Variants in MAPKAP1 observed in about 807,000 individuals in gnomAD.
MAPKAP1 encodes the protein target of rapamycin complex 2 subunit MAPKAP1.
MAPKAP1 carries 20 observed loss-of-function variants against 65.7 expected under a neutral mutation model. The observed-to-expected ratio is 0.30, with a 90% CI of 0.21 to 0.44. MAPKAP1 has a LOEUF of 0.44. MAPKAP1 is among the 20% of genes least tolerant of loss of function. MAPKAP1 has a pLI of 1.00. For missense variants in MAPKAP1, 423 were observed against 648.0 expected, an observed-to-expected ratio of 0.65 and a Z score of 3.77; for synonymous variants, 222 against 244.3, an observed-to-expected ratio of 0.91 and a Z score of 0.85.
At chr9:125,683,960 G>A (rs1834898575) in intron 1 of MAPKAP1, among the ~76,000 whole-genome samples, 1 of 152,086 alleles carries the variant, frequency 6.6e-6, no homozygotes, top group Non-Finnish European at 1.5e-5. Flanking sequence ...TATTTCAGGT[G>A]TACCCTTCTC....
At chr9:125,467,888 C>T in intron 10 of MAPKAP1, 84 bp downstream of exon 10, 1 of 1,418,526 alleles carries the variant, frequency 7.0e-7, no homozygotes, top group Non-Finnish European at 9.7e-7. Flanking sequence ...GACACAGTGG[C>T]AATATATTCT....
At chr9:125,541,030 G>A (rs1830230544) in intron 7 of MAPKAP1, among the ~76,000 whole-genome samples, 1 of 152,120 alleles carries the variant, frequency 6.6e-6, no homozygotes, top group South Asian at 2.1e-4. Context: ...TTGTTAAAAA[G>A]CTTTTTGGAT....
intron 4 of MAPKAP1, among the ~76,000 whole-genome samples, chr9:125,630,573 C>T (rs1589363365): frequency 6.6e-6 from 1 of 152,180 alleles, no homozygotes; most frequent in African/African-American, 2.4e-5. Context: ...TGGCCCAAAG[C>T]AGTGCAGCAG....
chr9:125,672,597 T>C lies in MAPKAP1; in HGVS notation c.-23A>G, dbSNP rs1482281172. ...CATCCTTTCTGTGGGCCAATTTCCT[T>C]AAAAGGCTATTTTCTCCTCTTCATA... On this transcript the variant is annotated 5_prime_UTR_variant, in exon 2 of 12. Coordinates refer to ENST00000265960, the MANE Select transcript of MAPKAP1 (RefSeq NM_001006617.3). 1 of 1,611,376 alleles carries C rather than the reference T, an allele frequency of 6.2e-7. No individual in the cohort carries two copies. Among genetic ancestry groups the C allele is most frequent in the South Asian group, 1.1e-5 (1 of 90,862 alleles).
chr9:125,530,654 G>T (rs1189019618), intron 7 of MAPKAP1, among the ~76,000 whole-genome samples: 3 of 152,304 alleles, frequency 2.0e-5, no homozygotes, highest in East Asian at 3.9e-4. Context: ...CATTTGAGTT[G>T]ACTCTCTGGG....
intron 7 of MAPKAP1, among the ~76,000 whole-genome samples, chr9:125,529,616 GA>G (rs1432947661): frequency 6.6e-6 from 1 of 152,182 alleles, no homozygotes; most frequent in East Asian, 1.9e-4. Flanking sequence ...GAAGATTGAG[GA>G]GTTCCAATAG....
At chr9:125,677,314 G>C (rs1834675874) in intron 1 of MAPKAP1, among the ~76,000 whole-genome samples, 2 of 152,044 alleles carry the variant, frequency 1.3e-5, no homozygotes, top group African/African-American at 4.8e-5. Context: ...GGCTAAGGTG[G>C]AAGAATTGCT....
At chr9:125,693,399 A>G (rs1835226615) in intron 1 of MAPKAP1, among the ~76,000 whole-genome samples, 1 of 141,336 alleles carries the variant, frequency 7.1e-6, no homozygotes, top group Admixed American at 7.1e-5. Context: ...AAGTAACAAG[A>G]GCGAAATTCC....
chr9:125,673,037 G>A (rs1834539441), intron 1 of MAPKAP1, among the ~76,000 whole-genome samples: 1 of 152,072 alleles, frequency 6.6e-6, no homozygotes, highest in Non-Finnish European at 1.5e-5. Context: ...CTCAAATGAT[G>A]TGCTAAAGTA....
rs370111865 is a variant in MAPKAP1 at position 125,693,424 on chromosome 9, A to AT, written c.-70+13546_-70+13547insA. Among the ~76,000 whole-genome samples the AT allele has an allele frequency of 7.7e-3, 1,053 of 136,460 alleles. 7 individuals carry two copies. The highest frequency in any genetic ancestry group is 0.019 in the East Asian group (93 of 5,010). The allele number at this position is 136,460 out of a possible 152,430, so 89.5% of individuals were successfully genotyped here. A position where few individuals can be genotyped will look rare whatever the true frequency, so the allele number is the denominator to read the frequency against. ...AGCGAAATTCCGCCTCAAAAAAAAA[A>AT]AAATATATATATATATATACACACA... is the stretch of plus-strand genomic sequence containing the variant. On this transcript the variant is annotated intron_variant, in intron 1 of 11. Transcript: ENST00000265960.
chr9:125,610,172 G>T (rs1832557572), intron 4 of MAPKAP1, among the ~76,000 whole-genome samples: 1 of 151,804 alleles, frequency 6.6e-6, no homozygotes, highest in African/African-American at 2.4e-5. Context: ...CATGATATGT[G>T]TAAACACAAA....
chr9:125,552,789 G>C (rs1290632679), intron 6 of MAPKAP1, among the ~76,000 whole-genome samples: 1 of 152,144 alleles, frequency 6.6e-6, no homozygotes, highest in African/African-American at 2.4e-5. Flanking sequence ...TTAAAAACCT[G>C]TTTTCTAACG....
At chr9:125,602,006 C>CA (rs1832312276) in intron 4 of MAPKAP1, among the ~76,000 whole-genome samples, 1 of 152,176 alleles carries the variant, frequency 6.6e-6, no homozygotes, top group Non-Finnish European at 1.5e-5. Context: ...GTAATCCCAG[C>CA]ACTCTGGGAA....
chr9:125,631,768 T>C (rs549137442), intron 4 of MAPKAP1, among the ~76,000 whole-genome samples: 20 of 152,254 alleles, frequency 1.3e-4, no homozygotes, highest in African/African-American at 4.8e-4. Context: ...TTTACCAGCA[T>C]CTCTCACCTC....
chr9:125,612,511 C>T (rs888926656), intron 4 of MAPKAP1, among the ~76,000 whole-genome samples: 1 of 152,082 alleles, frequency 6.6e-6, no homozygotes, highest in African/African-American at 2.4e-5. Context: ...TGTTGTAGAA[C>T]CACAATAAAC....
chr9:125,583,106 T>A (rs2131574400), intron 5 of MAPKAP1, among the ~76,000 whole-genome samples: 1 of 152,366 alleles, frequency 6.6e-6, no homozygotes, highest in Admixed American at 6.5e-5. Flanking sequence ...ATCTTGTTAT[T>A]AAAGTACAAA....
chr9:125,509,703 T>A (rs1008419756), intron 7 of MAPKAP1, among the ~76,000 whole-genome samples: 4 of 152,230 alleles, frequency 2.6e-5, no homozygotes, highest in Middle Eastern at 3.4e-3. Flanking sequence ...GACAGCTGGA[T>A]TATATATAAG....
intron 10 of MAPKAP1, among the ~76,000 whole-genome samples, chr9:125,453,049 ATTATTTAT>A (rs749331381): frequency 2.6e-5 from 4 of 152,138 alleles, no homozygotes; most frequent in Admixed American, 6.5e-5. Flanking sequence ...TAAGAGTGGC[ATTATTTAT>A]TTATTTATTT....
intron 8 of MAPKAP1, among the ~76,000 whole-genome samples, chr9:125,499,188 T>TA (rs1828898144): frequency 6.6e-6 from 1 of 152,206 alleles, no homozygotes; most frequent in African/African-American, 2.4e-5. Flanking sequence ...GACTGCGTAA[T>TA]ACATGATCAG....
Sources: gnomAD v4.1 joint callset for allele counts (sites outside exome capture counted in the v4.1 genomes callset) on GRCh38, gnomAD v4.1.1 for gene constraint, MANE v1.5 for transcripts, NCBI Gene and HGNC (gene_info 2026-07-23, HGNC 2026-07-21) for gene names.